The following SNX29 variants were observed in gnomAD, a reference collection of about 807,000 sequenced individuals.
SNX29 encodes the protein sorting nexin 29, also known as sorting nexin-29.
In SNX29, 78 loss-of-function variants were observed where a neutral mutation model predicts 102.1. The ratio of observed to expected loss-of-function variants is 0.76; its 90% CI spans 0.64 to 0.92. The LOEUF (loss-of-function observed/expected upper bound fraction) is 0.92, where lower values mean the gene tolerates loss of function less well. Among genes scored for constraint, SNX29 ranks in the 40% least tolerant of loss-of-function variants. SNX29 has a pLI of 0.00. For missense variants in SNX29, 1,280 were observed against 1,061.7 expected (o/e 1.21, Z -2.86); for synonymous variants, 580 against 414.5 (o/e 1.40, Z -4.85).
chr16:12,151,003 A>G (rs1194354854), intron 13 of SNX29, among the ~76,000 whole-genome samples: 1 of 152,202 alleles, frequency 6.6e-6, no homozygotes, highest in East Asian at 1.9e-4. Context: ...TGTCTGCTGT[A>G]TGGCCACAGA....
chr16:12,285,779 A>C (rs1188531712), intron 15 of SNX29, among the ~76,000 whole-genome samples: 1 of 150,342 alleles, frequency 6.7e-6, no homozygotes, highest in African/African-American at 2.5e-5. Context: ...ATAAGGACTC[A>C]GGATAAAAAA....
At chr16:12,086,477 CCT>C (rs2151379921) in intron 11 of SNX29, among the ~76,000 whole-genome samples, 1 of 152,174 alleles carries the variant, frequency 6.6e-6, no homozygotes, top group South Asian at 2.1e-4. Context: ...GTGGTGCATT[CCT>C]GGCTTACTGC....
intron 17 of SNX29, among the ~76,000 whole-genome samples, chr16:12,398,757 C>T (rs1345401427): frequency 6.6e-6 from 1 of 150,892 alleles, no homozygotes; most frequent in East Asian, 1.9e-4. Context: ...GAAGCTATCA[C>T]ATAACACAAA....
At chr16:12,504,415 C>T (rs1319977392) in intron 19 of SNX29, among the ~76,000 whole-genome samples, 1 of 152,112 alleles carries the variant, frequency 6.6e-6, no homozygotes, top group Non-Finnish European at 1.5e-5. Flanking sequence ...TCTCCCCAAC[C>T]CCCAGCCCTA....
intron 19 of SNX29, among the ~76,000 whole-genome samples, chr16:12,493,389 T>TC (rs1169504241): frequency 6.6e-6 from 1 of 152,228 alleles, no homozygotes; most frequent in African/African-American, 2.4e-5. Context: ...TGATTTTGTA[T>TC]CCTGAGACTT....
intron 15 of SNX29, among the ~76,000 whole-genome samples, chr16:12,287,868 G>A (rs1411856583): frequency 2.0e-5 from 3 of 152,158 alleles, no homozygotes; most frequent in African/African-American, 7.2e-5. Context: ...AACCTGGGTT[G>A]TTGATCCTAG....
intron 18 of SNX29, among the ~76,000 whole-genome samples, chr16:12,406,848 G>T (rs1359271114): frequency 6.6e-6 from 1 of 152,212 alleles, no homozygotes; most frequent in Non-Finnish European, 1.5e-5. Context: ...GGCAGAGGTT[G>T]CAGTGAGCTG....
chr16:12,535,664 G>A (rs1323864103), intron 20 of SNX29, among the ~76,000 whole-genome samples: 2 of 152,102 alleles, frequency 1.3e-5, no homozygotes, highest in Non-Finnish European at 2.9e-5. Context: ...ATATCTTCAG[G>A]GCTGGGGCTT....
At chr16:12,016,210 G>T (rs2056843848) in intron 3 of SNX29, among the ~76,000 whole-genome samples, 1 of 152,202 alleles carries the variant, frequency 6.6e-6, no homozygotes, top group Admixed American at 6.5e-5. Context: ...GCATGTTGCA[G>T]ATGTACAAAC....
rs1171611742 is a variant in SNX29, at chr16:12,379,531, CT to C, written c.1900-18912del. Among the ~76,000 whole-genome samples the C allele has an allele frequency of 3.3e-5, 5 of 152,322 alleles. No individual in the cohort carries two copies. The East Asian group carries it at 9.6e-4, about 29-fold the overall frequency. On this transcript the variant is annotated intron_variant, in intron 16 of 20. Transcript: ENST00000566228. ...CAGGCCATGGGTCCAGGACTGTGCC[CT>C]TTAGCCACTTTGACTCAGTTCCAAA... is the stretch of plus-strand genomic sequence containing the variant.
chr16:12,125,960 A>G (rs1235389177), intron 11 of SNX29, among the ~76,000 whole-genome samples: 1 of 152,136 alleles, frequency 6.6e-6, no homozygotes, highest in African/African-American at 2.4e-5. Context: ...TCCAAATGCC[A>G]CATCGCTGTC....
At chr16:12,338,109 A>G (rs1263821757) in intron 15 of SNX29, among the ~76,000 whole-genome samples, 1 of 152,152 alleles carries the variant, frequency 6.6e-6, no homozygotes, top group African/African-American at 2.4e-5. Flanking sequence ...ATTTCTACCT[A>G]ATGGGTCATC....
At chr16:12,396,468 C>T (rs1051773470) in intron 16 of SNX29, among the ~76,000 whole-genome samples, 2 of 152,150 alleles carry the variant, frequency 1.3e-5, no homozygotes, top group African/African-American at 4.8e-5. Flanking sequence ...TTGTGAGTCC[C>T]CCTCTGGTCT....
At position 12,229,613 on chromosome 16, in the gene SNX29, A is replaced by T. The variant is rs188033703; in HGVS notation, c.1678+29930A>T. On this transcript the variant is annotated intron_variant, in intron 14 of 20. Transcript: ENST00000566228. ...AGAATGGTGGGGTTTTTTTTTTTTG[A>T]CTGTCACATGATGTTTAAAGAAAAA... Among the ~76,000 whole-genome samples the T allele has an allele frequency of 8.2e-5, 12 of 146,440 alleles. No homozygotes were observed. The East Asian group carries it at 1.8e-3, about 22-fold the overall frequency.
chr16:12,029,964 C>T (rs1400322668), intron 4 of SNX29, among the ~76,000 whole-genome samples: 4 of 152,046 alleles, frequency 2.6e-5, no homozygotes, highest in Non-Finnish European at 2.9e-5. Context: ...ACAAGGTGAT[C>T]GGGGCCATTC....
chr16:12,472,133 A>T (rs1284426467), intron 18 of SNX29, among the ~76,000 whole-genome samples: 6 of 152,244 alleles, frequency 3.9e-5, no homozygotes, highest in Non-Finnish European at 8.8e-5. Context: ...TGAGGGCCAT[A>T]CACAGAAACA....
intron 3 of SNX29, among the ~76,000 whole-genome samples, chr16:12,003,788 C>G (rs1381150881): frequency 1.3e-5 from 2 of 152,134 alleles, no homozygotes; most frequent in African/African-American, 4.8e-5. Context: ...AGGTGGATCA[C>G]TTGAGGTCAG....
At chr16:12,519,409 T>C (rs2090006502) in intron 19 of SNX29, among the ~76,000 whole-genome samples, 1 of 152,184 alleles carries the variant, frequency 6.6e-6, no homozygotes, top group Admixed American at 6.5e-5. Context: ...GCAGGCACAT[T>C]TGAAAACTCA....
Position 12,537,548 on chromosome 16 carries a change from C to G in SNX29, c.2318+12707C>G, listed in dbSNP as rs539872197. On this transcript the variant is annotated intron_variant, in intron 20 of 20. Coordinates refer to ENST00000566228, the MANE Select transcript of SNX29 (RefSeq NM_032167.5). ...AAAGGAAATATTACCTACTATGGAGCTTCTCGAAGGGAAGCAATTTTGACT... is the reference window on the plus strand; with the variant it reads ...AAAGGAAATATTACCTACTATGGAGGTTCTCGAAGGGAAGCAATTTTGACT... 7.9e-5 allele frequency among the ~76,000 whole-genome samples: 12 copies of G among 152,262 alleles called. 1 individual carries two copies. In the South Asian group the frequency reaches 1.5e-3, roughly 18 times the overall value.
Sources: allele counts gnomAD v4.1 joint callset (sites outside exome capture counted in the v4.1 genomes callset), GRCh38; gene constraint gnomAD v4.1.1; transcripts MANE v1.5; gene names NCBI Gene and HGNC (gene_info 2026-07-23, HGNC 2026-07-21).